Variants in AGBL1 observed in about 807,000 individuals in gnomAD.
AGBL1 encodes the protein AGBL carboxypeptidase 1.
In AGBL1, 130 loss-of-function variants were observed where a neutral mutation model predicts 118.9. The observed-to-expected ratio is 1.09, with a 90% CI of 0.95 to 1.26. The LOEUF (loss-of-function observed/expected upper bound fraction) is 1.26, where lower values mean the gene tolerates loss of function less well. Among genes scored for constraint, AGBL1 ranks in the 50% most tolerant of loss-of-function variants. The pLI is 0.00. For missense variants in AGBL1, 1,584 were observed against 1,298.1 expected (o/e 1.22, Z -3.38); for synonymous variants, 555 against 478.9 (o/e 1.16, Z -2.08).
chr15:86,125,562 T>C (rs1237398108), intron 1 of AGBL1, among the ~76,000 whole-genome samples: 3 of 152,198 alleles, frequency 2.0e-5, no homozygotes, highest in Admixed American at 6.5e-5. Context: ...AATTGATTAA[T>C]GGATATATAG....
At chr15:86,118,700 C>G (rs1223439494) in intron 1 of AGBL1, among the ~76,000 whole-genome samples, 1 of 150,646 alleles carries the variant, frequency 6.6e-6, no homozygotes, top group Non-Finnish European at 1.5e-5. Context: ...GAGTTCTTCT[C>G]TTGGATTCTG....
At chr15:86,293,407 C>T (rs1214563196) in intron 16 of AGBL1, among the ~76,000 whole-genome samples, 1 of 152,158 alleles carries the variant, frequency 6.6e-6, no homozygotes, top group East Asian at 1.9e-4. Context: ...CATTCCTTGG[C>T]TGGTGATGCC....
intron 23 of AGBL1, among the ~76,000 whole-genome samples, chr15:86,981,043 C>A (rs2081227535): frequency 6.6e-6 from 1 of 151,970 alleles, no homozygotes; most frequent in African/African-American, 2.4e-5. Context: ...CACGCTGCCA[C>A]CCCTGGCTAA....
chr15:86,501,734 C>T (rs2082919157), intron 18 of AGBL1, among the ~76,000 whole-genome samples: 1 of 151,436 alleles, frequency 6.6e-6, no homozygotes, highest in Admixed American at 6.6e-5. Flanking sequence ...TCTTGGCATC[C>T]TTGTAGAAAA....
chr15:86,558,303 T>G (rs1168980624), intron 21 of AGBL1, among the ~76,000 whole-genome samples: 2 of 152,174 alleles, frequency 1.3e-5, no homozygotes, highest in Non-Finnish European at 2.9e-5. Context: ...GACCCCATCT[T>G]GCCCCAAAGC....
At chr15:86,929,814 G>T (rs2080584051) in intron 23 of AGBL1, among the ~76,000 whole-genome samples, 1 of 152,120 alleles carries the variant, frequency 6.6e-6, no homozygotes, top group Admixed American at 6.5e-5. Context: ...GCATCCAACT[G>T]AAGTTCTATA....
At chr15:86,191,937 C>CA (rs1449936677) in intron 5 of AGBL1, among the ~76,000 whole-genome samples, 2 of 150,026 alleles carry the variant, frequency 1.3e-5, no homozygotes, top group African/African-American at 2.5e-5. Flanking sequence ...CCAAAAAACA[C>CA]AAAAAACACA....
intron 23 of AGBL1, among the ~76,000 whole-genome samples, chr15:86,975,660 A>G (rs2081169967): frequency 6.6e-6 from 1 of 152,176 alleles, no homozygotes; most frequent in Admixed American, 6.6e-5. Flanking sequence ...CTCCTGACAC[A>G]GTGGACTTTT....
intron 22 of AGBL1, among the ~76,000 whole-genome samples, chr15:86,768,946 G>A (rs1001005913): frequency 6.6e-6 from 1 of 151,950 alleles, no homozygotes; most frequent in African/African-American, 2.4e-5. Context: ...ACACTGTAAA[G>A]GGTGTGAGGT....
chr15:86,316,266 A>G (rs1261588250), intron 17 of AGBL1, among the ~76,000 whole-genome samples: 1 of 152,188 alleles, frequency 6.6e-6, no homozygotes, highest in Non-Finnish European at 1.5e-5. Context: ...ATCCCAACTC[A>G]TCTTGGAGTG....
intron 22 of AGBL1, among the ~76,000 whole-genome samples, chr15:86,748,893 T>C (rs2077802132): frequency 6.6e-6 from 1 of 152,138 alleles, no homozygotes; most frequent in Non-Finnish European, 1.5e-5. Flanking sequence ...ACCAGTTCCA[T>C]GCTCTTTTGG....
intron 22 of AGBL1, among the ~76,000 whole-genome samples, chr15:86,714,711 T>C (rs938258493): frequency 1.3e-5 from 2 of 152,100 alleles, no homozygotes; most frequent in African/African-American, 4.8e-5. Context: ...CCTCTGAAAG[T>C]CAACATGGCT....
In AGBL1 at chr15:86,835,343, T is replaced by C. The variant is rs1006710519; in HGVS notation, c.3159-71744T>C. Among the ~76,000 whole-genome samples, 11 of 152,100 alleles carry C rather than the reference T, an allele frequency of 7.2e-5. 1 individual carries two copies. Among genetic ancestry groups the C allele is most frequent in the African/African-American group, 2.7e-4 (11 of 41,402 alleles). The stretch of plus-strand genomic sequence containing the variant: ...CTGAAAACAGTTGGGATGGTAAAAA[T>C]CAATCCTGTAGATTAAGCAGTAATG... On this transcript the variant is annotated intron_variant, in intron 22 of 22. Coordinates refer to ENST00000614907, the MANE Select transcript of AGBL1 (RefSeq NM_001386094.1).
chr15:86,375,951 G>A (rs1306164073), intron 17 of AGBL1, among the ~76,000 whole-genome samples: 1 of 152,214 alleles, frequency 6.6e-6, no homozygotes, highest in Non-Finnish European at 1.5e-5. Context: ...CACATTCTCA[G>A]AGTCTGGTGA....
chr15:86,762,270 CT>C (rs2141273586), intron 22 of AGBL1, among the ~76,000 whole-genome samples: 1 of 152,006 alleles, frequency 6.6e-6, no homozygotes, highest in South Asian at 2.1e-4. Context: ...TCATGCTGGG[CT>C]TAATACCTAG....
chr15:86,826,292 T>C (rs189427242), intron 22 of AGBL1, among the ~76,000 whole-genome samples: 188 of 152,268 alleles, frequency 1.2e-3, no homozygotes, highest in African/African-American at 4.4e-3. Flanking sequence ...GAGTAGAAGA[T>C]AATCTCAATA....
chr15:86,670,628 A>ACACACAG (rs59416251), intron 21 of AGBL1, among the ~76,000 whole-genome samples: 2 of 48,470 alleles, frequency 4.1e-5, no homozygotes, highest in South Asian at 2.4e-3. Flanking sequence ...CACACACACA[A>ACACACAG]ACACGCTGTG....
In AGBL1 at chr15:86,910,494, T is replaced by C. The variant is rs912918675; in HGVS notation, c.*3200T>C. On this transcript the variant is annotated 3_prime_UTR_variant, in exon 23 of 23. Transcript: ENST00000614907. Reference sequence around the variant, plus strand: ...AGCAGAGGCATGCCCGTGACTGATATCAGCGCCATTTTTCCCTTGTTTATG... The same window carrying C: ...AGCAGAGGCATGCCCGTGACTGATACCAGCGCCATTTTTCCCTTGTTTATG... 11 of 152,200 alleles carry C rather than the reference T, an allele frequency of 7.2e-5. No individual in the cohort carries two copies. Among genetic ancestry groups the C allele is most frequent in the African/African-American group, 2.4e-4 (10 of 41,456 alleles). The allele number at this position is 152,200 out of a possible 1,614,324, so 9.4% of individuals were successfully genotyped here.
intron 19 of AGBL1, among the ~76,000 whole-genome samples, chr15:86,529,808 A>G (rs1484983750): frequency 6.6e-6 from 1 of 151,416 alleles, no homozygotes; most frequent in Admixed American, 6.6e-5. Flanking sequence ...AATATTCAAC[A>G]TTCTTAAAGA....
Sources: gnomAD v4.1 joint callset for allele counts (sites outside exome capture counted in the v4.1 genomes callset) on GRCh38, gnomAD v4.1.1 for gene constraint, MANE v1.5 for transcripts, NCBI Gene and HGNC (gene_info 2026-07-23, HGNC 2026-07-21) for gene names.